CDH23: variants seen among roughly 807,000 people sequenced by gnomAD.
The protein encoded by CDH23 is cadherin-23.
Under a neutral mutation model 317.1 loss-of-function variants are expected in CDH23, and 189 were observed. The observed-to-expected ratio is 0.60, with a 90% CI of 0.53 to 0.67. CDH23 has a LOEUF of 0.67. Among genes scored for constraint, CDH23 ranks in the 30% least tolerant of loss-of-function variants. The probability of loss-of-function intolerance (pLI) is 0.00; values close to 1 mark genes in which losing one functional copy is unlikely to be tolerated. For synonymous variants in CDH23, 1,839 were observed against 1,876.8 expected (o/e 0.98, Z 0.52); for missense variants, 4,401 against 4,592.4 (o/e 0.96, Z 1.20).
intron 6 of CDH23, among the ~76,000 whole-genome samples, chr10:71,545,735 C>G (rs547041007): frequency 1.3e-5 from 2 of 152,058 alleles, no homozygotes; most frequent in South Asian, 4.2e-4. Flanking sequence ...TGAGAAGGGC[C>G]ACAAAGAAAA....
At chr10:71,640,109 A>G (rs1862466299) in intron 11 of CDH23, among the ~76,000 whole-genome samples, 1 of 152,188 alleles carries the variant, frequency 6.6e-6, no homozygotes, top group South Asian at 2.1e-4. Flanking sequence ...GGGGTCAGGA[A>G]GCTGTCCCGA....
At chr10:71,742,543 G>A (rs1207493632) in intron 38 of CDH23, among the ~76,000 whole-genome samples, 1 of 152,244 alleles carries the variant, frequency 6.6e-6, no homozygotes, top group Admixed American at 6.5e-5. Flanking sequence ...GAGCTGTGTT[G>A]GGAGTGGCTT....
chr10:71,789,850 C>T (rs931661770), intron 45 of CDH23, among the ~76,000 whole-genome samples: 1 of 152,232 alleles, frequency 6.6e-6, no homozygotes, highest in Non-Finnish European at 1.5e-5. Context: ...GCCATGTGAA[C>T]ACAGAACTTG....
chr10:71,724,097 T>C lies in CDH23; in HGVS notation c.3422T>C (p.Ile1141Thr). ...GAGTTTGGGCGTGTGTGGTACCGCA[T>C]CCTCCATGGTAAGTGGGGCTGCCCT... is the stretch of plus-strand genomic sequence containing the variant. ...EGEFGRVWYR[I>T]LHGNHGNNFR... The change falls in exon 29 of 70, where the codon ATC becomes ACC. Residue 1141 changes from isoleucine (I) to threonine (T), a missense_variant. Coordinates refer to ENST00000224721, the MANE Select transcript of CDH23 (RefSeq NM_022124.6). 6.4e-7 allele frequency: 1 copy of C among 1,558,026 alleles called. No individual in the cohort carries two copies. The highest frequency in any genetic ancestry group is 8.7e-7 in the Non-Finnish European group (1 of 1,150,488).
chr10:71,602,655 C>T (rs913924350), intron 9 of CDH23, among the ~76,000 whole-genome samples: 1 of 152,176 alleles, frequency 6.6e-6, no homozygotes, highest in Admixed American at 6.5e-5. Flanking sequence ...TGCACCCCAC[C>T]CTGCCCCGCT....
intron 38 of CDH23, among the ~76,000 whole-genome samples, chr10:71,754,057 T>C (rs1283771257): frequency 6.6e-6 from 1 of 152,192 alleles, no homozygotes; most frequent in African/African-American, 2.4e-5. Context: ...CCCAGCCCTT[T>C]CCTTTTCTTT....
intron 17 of CDH23, among the ~76,000 whole-genome samples, chr10:71,681,607 G>A (rs1051229945): frequency 2.6e-5 from 4 of 152,184 alleles, no homozygotes; most frequent in African/African-American, 9.6e-5. Flanking sequence ...GGTATGAAGA[G>A]CCCATAGCAT....
chr10:71,531,783 G>T (rs1418919027), intron 6 of CDH23, among the ~76,000 whole-genome samples: 1 of 152,186 alleles, frequency 6.6e-6, no homozygotes, highest in Non-Finnish European at 1.5e-5. Context: ...CCTACACATA[G>T]ATTGGTTCTG....
At position 71,807,572 on chromosome 10, in the gene CDH23, C is replaced by A. The variant is rs375212593; in HGVS notation, c.8365C>A (p.Arg2789=). 6.2e-7 allele frequency: 1 copy of A among 1,613,862 alleles called. No individual in the cohort carries two copies. The highest frequency in any genetic ancestry group is 1.3e-5 in the African/African-American group (1 of 74,930). ...LQPDGCLLVL[R]DLDREREAIF... ...GCCCGATGGGTGTCTGCTGGTGCTG[C>A]GGGACCTGGACCGGGAGCGAGAAGC... The change falls in exon 59 of 70, where the codon CGG becomes AGG. Residue 2789 remains arginine, a synonymous_variant. Coordinates refer to ENST00000224721, the MANE Select transcript of CDH23 (RefSeq NM_022124.6).
chr10:71,704,140 G>A (rs765691152), intron 24 of CDH23, among the ~76,000 whole-genome samples: 1 of 152,206 alleles, frequency 6.6e-6, no homozygotes, highest in Non-Finnish European at 1.5e-5. Flanking sequence ...GACACCTCTC[G>A]TCCAGTTTGC....
intron 3 of CDH23, among the ~76,000 whole-genome samples, chr10:71,495,391 C>T (rs1276712827): frequency 6.6e-6 from 1 of 152,102 alleles, no homozygotes; most frequent in Non-Finnish European, 1.5e-5. Context: ...ATGATTGCGC[C>T]TTTCTTCATT....
In CDH23 at chr10:71,793,219, C is replaced by G; in HGVS notation, c.6291C>G (p.Asp2097Glu). The change falls in exon 48 of 70, where the codon GAC becomes GAG. Residue 2097 changes from aspartate (D) to glutamate (E), a missense_variant. Around this residue, in one of 3 missense-constraint regions of CDH23, gnomAD observed 3,068 missense variants for 3,203.3 expected, o/e 0.96. Transcript: ENST00000224721. Reference protein sequence around the residue: ...SVLQVTATDEDSGLNGELVYR... With the variant: ...SVLQVTATDEESGLNGELVYR... ...TTCAAGTCACAGCCACAGATGAGGA[C>G]AGTGGCCTCAATGGGGAGCTGGTCT... 6.2e-7 allele frequency: 1 copy of G among 1,613,742 alleles called. No individual in the cohort carries two copies. Among genetic ancestry groups the G allele is most frequent in the Non-Finnish European group, 8.5e-7 (1 of 1,179,814 alleles).
chr10:71,747,962 G>C (rs1480331820), intron 38 of CDH23: 2 of 152,326 alleles, frequency 1.3e-5, no homozygotes, highest in African/African-American at 2.4e-5. Context: ...CCGTCTATGG[G>C]CTGGGCCTCA....
intron 44 of CDH23, 96 bp from the exon 45 acceptor site, chr10:71,788,844 T>A (rs1841167996): frequency 1.4e-6 from 1 of 719,766 alleles, no homozygotes; most frequent in South Asian, 1.5e-5. Flanking sequence ...CATCCACCTC[T>A]GTGCCCCAAT....
intron 11 of CDH23, among the ~76,000 whole-genome samples, chr10:71,620,948 G>A (rs184577779): frequency 4.3e-4 from 66 of 152,320 alleles, no homozygotes; most frequent in South Asian, 2.5e-3. Flanking sequence ...GAGCTGGCCG[G>A]GTGAATGCAT....
chr10:71,441,256 CT>C (rs751361834), intron 2 of CDH23, among the ~76,000 whole-genome samples: 46 of 152,282 alleles, frequency 3.0e-4, no homozygotes, highest in African/African-American at 8.2e-4. Flanking sequence ...CGCTCCCCCC[CT>C]GCCTCATGTG....
chr10:71,466,544 G>A (rs190091857), intron 3 of CDH23, among the ~76,000 whole-genome samples: 9 of 152,240 alleles, frequency 5.9e-5, no homozygotes, highest in African/African-American at 1.4e-4. Context: ...GCCTACCCAC[G>A]TGTGTTTGTC....
chr10:71,784,569 C>T, intron 42 of CDH23, 149 bp downstream of exon 42: 1 of 1,058,386 alleles, frequency 9.4e-7, no homozygotes, highest in East Asian at 2.6e-5. Context: ...CCTTAATAGA[C>T]CTCTCGCCAC....
At chr10:71,763,585 GC>G (rs1471469939) in intron 38 of CDH23, among the ~76,000 whole-genome samples, 1 of 152,202 alleles carries the variant, frequency 6.6e-6, no homozygotes, top group Non-Finnish European at 1.5e-5. Context: ...TCTGGAGCTG[GC>G]CAGCCTGTAC....
Sources: allele counts gnomAD v4.1 joint callset (sites outside exome capture counted in the v4.1 genomes callset), GRCh38; gene constraint gnomAD v4.1.1; regional missense constraint gnomAD v4.1.1; transcripts MANE v1.5; gene names NCBI Gene and HGNC (gene_info 2026-07-23, HGNC 2026-07-21).